Variants in XPO4 observed in about 807,000 individuals in gnomAD.
XPO4 encodes exportin-4.
In XPO4, 39 loss-of-function variants were observed where a neutral mutation model predicts 143.0. The ratio of observed to expected loss-of-function variants is 0.27; its 90% CI spans 0.21 to 0.36. The LOEUF (loss-of-function observed/expected upper bound fraction) is 0.36. XPO4 is among the 10% of genes least tolerant of loss of function. XPO4 has a pLI of 1.00. For missense variants in XPO4, 907 were observed against 1,348.0 expected, an observed-to-expected ratio of 0.67 and a Z score of 5.12; for synonymous variants, 439 against 474.0, an observed-to-expected ratio of 0.93 and a Z score of 0.96.
intron 1 of XPO4, among the ~76,000 whole-genome samples, chr13:20,873,062 G>A (rs1215895624): frequency 3.3e-5 from 5 of 149,678 alleles, no homozygotes; most frequent in Non-Finnish European, 5.9e-5. Context: ...GAAGCAATAG[G>A]AGGTGGTAGT....
In XPO4 at chr13:20,803,510, C is replaced by T. The variant is rs1008932466; in HGVS notation, c.1818-2520G>A. 6.6e-6 allele frequency among the ~76,000 whole-genome samples: 1 copy of T among 152,208 alleles called. No individual in the cohort carries two copies. Among genetic ancestry groups the T allele is most frequent in the Middle Eastern group, 3.4e-3 (1 of 294 alleles). ...GAAATACCTCTCATAACCCAAGAACCTTTCTCCATCTTCACTCCCAAGACT... is the reference window on the plus strand; with the variant it reads ...GAAATACCTCTCATAACCCAAGAACTTTTCTCCATCTTCACTCCCAAGACT... On this transcript the variant is annotated intron_variant, in intron 13 of 22. Coordinates refer to ENST00000255305, the MANE Select transcript of XPO4 (RefSeq NM_022459.5). The surrounding 1 kb of genome is among the most constrained non-coding windows in gnomAD (Gnocchi z 4.1).
chr13:20,859,751 T>G (rs1455563751), intron 3 of XPO4: 1 of 609,108 alleles, frequency 1.6e-6, no homozygotes, highest in Non-Finnish European at 2.0e-6. Context: ...CACTCCAGCC[T>G]AGCAACAGAG....
At chr13:20,860,221 A>G (rs888876095) in intron 3 of XPO4, among the ~76,000 whole-genome samples, 6 of 152,248 alleles carry the variant, frequency 3.9e-5, no homozygotes, top group Non-Finnish European at 8.8e-5. Context: ...TCACATAAAT[A>G]GACTGCTCTT....
At chr13:20,854,061 A>G (rs1413423623) in intron 4 of XPO4, among the ~76,000 whole-genome samples, 1 of 152,232 alleles carries the variant, frequency 6.6e-6, no homozygotes, top group Non-Finnish European at 1.5e-5. Flanking sequence ...CGAGGTGTGC[A>G]TTTTAGACAG....
intron 7 of XPO4, among the ~76,000 whole-genome samples, chr13:20,823,142 G>T (rs539122824): frequency 1.1e-4 from 16 of 152,240 alleles, no homozygotes; most frequent in Admixed American, 2.0e-4. Flanking sequence ...CTTACTGTTG[G>T]ATGTACCATT....
At chr13:20,807,723 C>T (rs2059525514) in intron 12 of XPO4, 89 bp from the exon 13 acceptor site, 2 of 984,084 alleles carry the variant, frequency 2.0e-6, no homozygotes, top group Non-Finnish European at 2.8e-6. Context: ...GATTTATATA[C>T]ATCATATAAA....
chr13:20,861,777 C>CTTTTTTT lies in XPO4; in HGVS notation c.317+933_317+939dup, dbSNP rs71200306. ...TTAATAGAACCTTGCACATTTCTCTCTTTTTTTTTTTTTTTTTTTTTTTTT... is the reference window on the plus strand; with the variant it reads ...TTAATAGAACCTTGCACATTTCTCTCTTTTTTTTTTTTTTTTTTTTTTTTTTTTTTTT... On this transcript the variant is annotated intron_variant, in intron 3 of 22. Transcript: ENST00000255305. Among the ~76,000 whole-genome samples the CTTTTTTT allele has an allele frequency of 9.4e-4, 69 of 73,438 alleles. 4 individuals carry two copies. Among genetic ancestry groups the CTTTTTTT allele is most frequent in the African/African-American group, 1.8e-3 (38 of 20,802 alleles). The allele number at this position is 73,438 out of a possible 152,430, so 48.2% of individuals were successfully genotyped here.
chr13:20,872,721 G>A (rs1347588413), intron 1 of XPO4, among the ~76,000 whole-genome samples: 1 of 152,106 alleles, frequency 6.6e-6, no homozygotes, highest in Non-Finnish European at 1.5e-5. Context: ...CACACTATCA[G>A]TAAGAAGCAG....
At chr13:20,868,771 C>T (rs2138134875) in intron 1 of XPO4, 70 bp from the exon 2 acceptor site, 2 of 1,433,108 alleles carry the variant, frequency 1.4e-6, no homozygotes, top group East Asian at 2.4e-5. Context: ...AATATTTTTA[C>T]CCACAAGAAC....
chr13:20,793,034 C>A (rs1363286849), intron 18 of XPO4, among the ~76,000 whole-genome samples: 4 of 152,180 alleles, frequency 2.6e-5, no homozygotes, highest in African/African-American at 9.7e-5. Flanking sequence ...AGGTGATCCA[C>A]CCGCCTCAGC....
rs139698919 is a variant in XPO4, at chr13:20,813,069, G to A, written c.1174-3102C>T. Among the ~76,000 whole-genome samples the A allele has an allele frequency of 6.2e-3, 944 of 152,272 alleles. 14 individuals carry two copies. Among genetic ancestry groups the A allele is most frequent in the African/African-American group, 0.022 (895 of 41,536 alleles). ...GAAACTTACAATCATGGTGGAAGGC[G>A]AAGGGGAAGCAAGCATGTCTTAGCA... On this transcript the variant is annotated intron_variant, in intron 9 of 22. Transcript: ENST00000255305.
chr13:20,868,835 T>A, intron 1 of XPO4, 134 bp from the exon 2 acceptor site: 1 of 736,702 alleles, frequency 1.4e-6, no homozygotes, highest in East Asian at 3.0e-5. Flanking sequence ...GCTTAACTTT[T>A]TAAGGAATTA....
rs1491232974 is a variant in XPO4 at position 20,861,778 on chromosome 13, T to TC, written c.317+938_317+939insG. 2.0e-3 allele frequency among the ~76,000 whole-genome samples: 25 copies of TC among 12,648 alleles called. 1 individual carries two copies. Among genetic ancestry groups the TC allele is most frequent in the African/African-American group, 4.7e-3 (22 of 4,692 alleles). 8.3% of individuals were successfully genotyped at this position (12,648 alleles called of 152,430 possible). A position where few individuals can be genotyped will look rare whatever the true frequency, so the allele number is the denominator to read the frequency against. ...TAATAGAACCTTGCACATTTCTCTCTTTTTTTTTTTTTTTTTTTTTTTTTT... is the reference window on the plus strand; with the variant it reads ...TAATAGAACCTTGCACATTTCTCTCTCTTTTTTTTTTTTTTTTTTTTTTTTT... On this transcript the variant is annotated intron_variant, in intron 3 of 22. Transcript: ENST00000255305.
At chr13:20,788,656 A>G (rs2059238883) in intron 19 of XPO4, 40 bp from the exon 20 acceptor site, 1 of 1,522,650 alleles carries the variant, frequency 6.6e-7, no homozygotes, top group Non-Finnish European at 8.8e-7. Context: ...GCTCATTAGT[A>G]TCCAATTTCT....
chr13:20,865,886 G>C (rs1183416417), intron 2 of XPO4, among the ~76,000 whole-genome samples: 11 of 152,166 alleles, frequency 7.2e-5, no homozygotes, highest in Non-Finnish European at 1.2e-4. Flanking sequence ...GTGACTGACA[G>C]CACTACTAAG....
chr13:20,800,453 C>A (rs947356576), intron 14 of XPO4, 128 bp from the exon 15 acceptor site: 9 of 835,500 alleles, frequency 1.1e-5, no homozygotes, highest in East Asian at 2.7e-5. Flanking sequence ...CAACTTTACA[C>A]ATGTACTCAT....
intron 16 of XPO4, among the ~76,000 whole-genome samples, chr13:20,797,809 CA>C (rs2059377713): frequency 6.6e-6 from 1 of 152,104 alleles, no homozygotes; most frequent in Non-Finnish European, 1.5e-5. Flanking sequence ...CTGTGTTCCT[CA>C]AAAACTCATA....
intron 1 of XPO4, among the ~76,000 whole-genome samples, chr13:20,870,509 G>A (rs1222928822): frequency 1.3e-5 from 2 of 151,660 alleles, no homozygotes; most frequent in African/African-American, 4.8e-5. Context: ...CCAACACTTT[G>A]GGAGATCAAG....
At chr13:20,856,905 C>T in intron 3 of XPO4, 1 of 985,452 alleles carries the variant, frequency 1.0e-6, no homozygotes, top group African/African-American at 1.7e-5. Context: ...CATGACAGGA[C>T]ATATCTGTTA....
Sources: allele counts gnomAD v4.1 joint callset (sites outside exome capture counted in the v4.1 genomes callset), GRCh38; gene constraint gnomAD v4.1.1; non-coding constraint Gnocchi (gnomAD v3.1); transcripts MANE v1.5; gene names NCBI Gene and HGNC (gene_info 2026-07-23, HGNC 2026-07-21).